The following MCF2L variants were observed in gnomAD, a reference collection of about 807,000 sequenced individuals.
MCF2L encodes MCF.2 cell line derived transforming sequence like.
Under a neutral mutation model 153.4 loss-of-function variants are expected in MCF2L, and 97 were observed. That is an observed-to-expected ratio of 0.63 (90% CI 0.54 to 0.75). The LOEUF (loss-of-function observed/expected upper bound fraction) is 0.75. Ranked by LOEUF, MCF2L falls within the 30% of genes least tolerant of loss-of-function variation. The probability of loss-of-function intolerance (pLI) is 0.00; values close to 1 mark genes in which losing one functional copy is unlikely to be tolerated. For missense variants in MCF2L, 1,347 were observed against 1,495.2 expected, an observed-to-expected ratio of 0.90 and a Z score of 1.64; for synonymous variants, 659 against 632.2, an observed-to-expected ratio of 1.04 and a Z score of -0.64.
chr13:113,078,622 G>A (rs776140998), intron 14 of MCF2L, 44 bp from the exon 15 acceptor site: 10 of 1,567,996 alleles, frequency 6.4e-6, no homozygotes, highest in Non-Finnish European at 8.7e-6. Flanking sequence ...TGGCCCTTGA[G>A]GTTCCGTCCC....
chr13:112,968,148 G>GGGT (rs1555355481), upstream of MCF2L, among the ~76,000 whole-genome samples: 3 of 147,058 alleles, frequency 2.0e-5, no homozygotes, highest in Non-Finnish European at 4.6e-5. Flanking sequence ...GAGGTGGGGG[G>GGGT]GGGGGTCTTG....
chr13:112,922,249 T>G (rs1343896507), intron 2 of MCF2L, among the ~76,000 whole-genome samples: 2 of 152,126 alleles, frequency 1.3e-5, no homozygotes, highest in Non-Finnish European at 1.5e-5. Flanking sequence ...AGAGCCAAAG[T>G]CTAGAATAAA....
intron 1 of MCF2L, among the ~76,000 whole-genome samples, chr13:112,990,857 AAGG>A (rs138510736): frequency 0.028 from 4,277 of 152,312 alleles, 215 homozygotes; most frequent in African/African-American, 0.097. Flanking sequence ...GACCTGGGGT[AAGG>A]AGAACTGGCG....
intron 1 of MCF2L, among the ~76,000 whole-genome samples, chr13:112,992,202 G>A (rs563045341): frequency 1.5e-4 from 23 of 152,250 alleles, no homozygotes; most frequent in African/African-American, 5.3e-4. Context: ...CTCGGGTCAC[G>A]TCCCAAATGT....
At chr13:113,006,182 G>T (rs550299734) in intron 1 of MCF2L, among the ~76,000 whole-genome samples, 1 of 152,222 alleles carries the variant, frequency 6.6e-6, no homozygotes, top group Non-Finnish European at 1.5e-5. Context: ...GCCCCTCTGC[G>T]AGAGCCTCTC....
intron 1 of MCF2L, among the ~76,000 whole-genome samples, chr13:112,900,051 C>T (rs1202667312): frequency 6.6e-6 from 1 of 152,168 alleles, no homozygotes; most frequent in South Asian, 2.1e-4. Context: ...TAAACGTGAC[C>T]GTGCACACCT....
chr13:113,047,961 A>G (rs1232567532), intron 4 of MCF2L, among the ~76,000 whole-genome samples: 1 of 108,506 alleles, frequency 9.2e-6, no homozygotes, highest in Non-Finnish European at 2.0e-5. Context: ...CACACACATC[A>G]CCACGTGTGT....
intron 16 of MCF2L, among the ~76,000 whole-genome samples, chr13:113,081,937 G>A (rs868238394): frequency 6.7e-6 from 1 of 148,816 alleles, no homozygotes; most frequent in Admixed American, 6.7e-5. Context: ...TGCACATGTG[G>A]TCACCTGAGT....
rs113255762 is a variant in MCF2L at position 112,933,702 on chromosome 13, C to T, written c.169+31331C>T. ...CCTCATGACAACCCTGTGAGGTGTG[C>T]CCGAGTCTTATTAACCCATTTCATA... On this transcript the variant is annotated intron_variant, in intron 2 of 29. Coordinates refer to the MCF2L transcript ENST00000375608. Among the ~76,000 whole-genome samples the T allele has an allele frequency of 4.4e-3, 664 of 152,346 alleles. 3 individuals are homozygous for T. The highest frequency in any genetic ancestry group is 0.015 in the African/African-American group (640 of 41,576).
At chr13:112,920,337 A>T (rs1042163199) in intron 2 of MCF2L, among the ~76,000 whole-genome samples, 5 of 152,152 alleles carry the variant, frequency 3.3e-5, no homozygotes, top group African/African-American at 1.2e-4. Flanking sequence ...ATTCAAAATC[A>T]GCTATGAAGA....
At chr13:112,929,034 G>C (rs975805102) in intron 2 of MCF2L, among the ~76,000 whole-genome samples, 3 of 152,226 alleles carry the variant, frequency 2.0e-5, no homozygotes, top group Admixed American at 2.0e-4. Context: ...GCTACTCAGC[G>C]TGCAGATGAC....
At chr13:113,002,028 TG>T (rs2141054791) in intron 1 of MCF2L, 2 of 1,508,750 alleles carry the variant, frequency 1.3e-6, no homozygotes, top group East Asian at 5.0e-5. Context: ...GAAGGTGTTG[TG>T]GGGCGACAGT....
intron 15 of MCF2L, 56 bp from the exon 16 acceptor site, chr13:113,081,157 C>T (rs904142152): frequency 2.8e-6 from 4 of 1,420,066 alleles, no homozygotes; most frequent in African/African-American, 2.8e-5. Flanking sequence ...GTGGAGCAGA[C>T]CATTCCTGCT....
At chr13:112,942,297 C>T (rs1477979493) in intron 2 of MCF2L, among the ~76,000 whole-genome samples, 1 of 152,068 alleles carries the variant, frequency 6.6e-6, no homozygotes, top group Non-Finnish European at 1.5e-5. Context: ...CGTAAGCTGT[C>T]TCTCTCTCTC....
At chr13:112,908,277 A>G (rs977135660) in intron 2 of MCF2L, among the ~76,000 whole-genome samples, 5 of 152,204 alleles carry the variant, frequency 3.3e-5, no homozygotes, top group Admixed American at 6.5e-5. Context: ...CCACCGCCCC[A>G]GCTTGCACAG....
chr13:113,083,752 G>A (rs1220549089), intron 17 of MCF2L, among the ~76,000 whole-genome samples: 1 of 152,216 alleles, frequency 6.6e-6, no homozygotes, highest in African/African-American at 2.4e-5. Flanking sequence ...GGGAAAAGCA[G>A]CTCCCTCCAA....
intron 3 of MCF2L, among the ~76,000 whole-genome samples, chr13:113,025,815 T>C (rs1594726596): frequency 6.7e-6 from 1 of 148,660 alleles, no homozygotes; most frequent in African/African-American, 2.5e-5. Flanking sequence ...CCCGTGACTG[T>C]GGGTCGGGGC....
At chr13:112,985,623 A>G (rs2082606945) in intron 1 of MCF2L, 1 of 346,140 alleles carries the variant, frequency 2.9e-6, no homozygotes. Context: ...TGGAATTTGC[A>G]GTAGCTCAGG....
intron 1 of MCF2L, among the ~76,000 whole-genome samples, chr13:113,011,039 A>G (rs2084061568): frequency 6.6e-6 from 1 of 152,236 alleles, no homozygotes; most frequent in Admixed American, 6.5e-5. Flanking sequence ...GGTTCAAAAA[A>G]TCAAGAAGAA....
Sources: allele counts gnomAD v4.1 joint callset (sites outside exome capture counted in the v4.1 genomes callset), GRCh38; gene constraint gnomAD v4.1.1; transcripts MANE v1.5; gene names NCBI Gene and HGNC (gene_info 2026-07-23, HGNC 2026-07-21).